Variants in MARCHF8 observed in about 807,000 individuals in gnomAD.
MARCHF8 encodes the protein membrane associated ring-CH-type finger 8, also known as E3 ubiquitin-protein ligase MARCHF8.
MARCHF8 carries 40 observed loss-of-function variants against 51.6 expected under a neutral mutation model. That is an observed-to-expected ratio of 0.77 (90% CI 0.60 to 1.01). The LOEUF (loss-of-function observed/expected upper bound fraction) is 1.01, where lower values mean the gene tolerates loss of function less well. Among genes scored for constraint, MARCHF8 ranks in the 50% least tolerant of loss-of-function variants. The probability of loss-of-function intolerance (pLI) is 0.00; values close to 1 mark genes in which losing one functional copy is unlikely to be tolerated. For synonymous variants in MARCHF8, 263 were observed against 280.3 expected, an observed-to-expected ratio of 0.94 and a Z score of 0.62; for missense variants, 685 against 708.6, an observed-to-expected ratio of 0.97 and a Z score of 0.38.
chr10:45,508,674 G>C lies in MARCHF8; in HGVS notation c.103-19257C>G, dbSNP rs149058888. 2.1e-3 allele frequency among the ~76,000 whole-genome samples: 317 copies of C among 152,092 alleles called. 1 individual carries two copies. The highest frequency in any genetic ancestry group is 7.2e-3 in the African/African-American group (299 of 41,488). On this transcript the variant is annotated intron_variant, in intron 2 of 7. Transcript: ENST00000453424. The stretch of plus-strand genomic sequence containing the variant: ...CCAGACTTACTAGATCTTTTCACTT[G>C]ATATTCTGGATACATTATTGGTACA...
At chr10:45,511,851 G>C (rs866921345) in intron 2 of MARCHF8, among the ~76,000 whole-genome samples, 1 of 151,752 alleles carries the variant, frequency 6.6e-6, no homozygotes, top group African/African-American at 2.4e-5. Context: ...AGTGAGGAGC[G>C]TCTCTGCCTG....
At chr10:45,543,861 C>T (rs1056452613) in intron 1 of MARCHF8, among the ~76,000 whole-genome samples, 4 of 132,818 alleles carry the variant, frequency 3.0e-5, no homozygotes. Context: ...TTAAGACAAA[C>T]AACATAATTT....
intron 2 of MARCHF8, among the ~76,000 whole-genome samples, chr10:45,522,912 C>A (rs890063024): frequency 6.6e-6 from 1 of 152,116 alleles, no homozygotes; most frequent in African/African-American, 2.4e-5. Flanking sequence ...ACGTGGCCCC[C>A]CAAGTGAGCT....
intron 2 of MARCHF8, among the ~76,000 whole-genome samples, chr10:45,514,991 T>C (rs927690561): frequency 5.3e-5 from 8 of 151,864 alleles, no homozygotes; most frequent in African/African-American, 1.7e-4. Flanking sequence ...CATCACAGGG[T>C]GGGGGAGGGG....
chr10:45,521,416 T>G (rs2043703867), intron 2 of MARCHF8, among the ~76,000 whole-genome samples: 1 of 152,232 alleles, frequency 6.6e-6, no homozygotes, highest in Non-Finnish European at 1.5e-5. Flanking sequence ...TAGGGGCCTT[T>G]CCTTCTTCAG....
chr10:45,528,725 C>T (rs2043831236), intron 2 of MARCHF8, among the ~76,000 whole-genome samples: 2 of 152,128 alleles, frequency 1.3e-5, no homozygotes, highest in Admixed American at 6.6e-5. Context: ...ACCAAGAAGT[C>T]AATCCCATTT....
chr10:45,466,044 G>A (rs376090698), intron 3 of MARCHF8, among the ~76,000 whole-genome samples: 5 of 152,246 alleles, frequency 3.3e-5, no homozygotes, highest in South Asian at 2.1e-4. Context: ...GACTGCATAA[G>A]CCATTGTCCT....
At chr10:45,519,588 A>C (rs2043673838) in intron 2 of MARCHF8, among the ~76,000 whole-genome samples, 1 of 152,292 alleles carries the variant, frequency 6.6e-6, no homozygotes, top group African/African-American at 2.4e-5. Context: ...CTCTACTCCA[A>C]TAAAACTATA....
chr10:45,525,677 G>T (rs971621197), intron 2 of MARCHF8, among the ~76,000 whole-genome samples: 1 of 152,168 alleles, frequency 6.6e-6, no homozygotes, highest in African/African-American at 2.4e-5. Flanking sequence ...CAGCCAGGTG[G>T]TCAAGAAAAT....
intron 2 of MARCHF8, among the ~76,000 whole-genome samples, chr10:45,523,168 G>C (rs1170778762): frequency 6.6e-6 from 1 of 152,142 alleles, no homozygotes; most frequent in Non-Finnish European, 1.5e-5. Flanking sequence ...CATATCAAAA[G>C]CCATTAACAA....
chr10:45,512,169 C>A (rs1430003682), intron 2 of MARCHF8, among the ~76,000 whole-genome samples: 1 of 151,442 alleles, frequency 6.6e-6, no homozygotes, highest in African/African-American at 2.4e-5. Flanking sequence ...TCTGCCTGGC[C>A]GCCCCATCTG....
intron 1 of MARCHF8, among the ~76,000 whole-genome samples, chr10:45,540,559 T>C (rs1304249089): frequency 6.6e-6 from 1 of 152,066 alleles, no homozygotes; most frequent in Non-Finnish European, 1.5e-5. Flanking sequence ...AAAGCCAAAA[T>C]TGACAAATGG....
Position 45,457,481 on chromosome 10 carries a change from T to C in MARCHF8, c.*758A>G, listed in dbSNP as rs3824616. ...CCTGTCTTAAAAGTCATGAGTCTGT[T>C]TTATGAACAGAAAGAATGCCACGCT... On this transcript the variant is annotated 3_prime_UTR_variant, in exon 8 of 8. Coordinates refer to ENST00000453424, the MANE Select transcript of MARCHF8 (RefSeq NM_001282866.2). 0.087 allele frequency: 13,271 copies of C among 152,526 alleles called. 746 individuals are homozygous for C. The highest frequency in any genetic ancestry group is 0.15 in the African/African-American group (6,278 of 41,498). The allele number at this position is 152,526 out of a possible 1,614,324, so 9.4% of individuals were successfully genotyped here.
intron 2 of MARCHF8, among the ~76,000 whole-genome samples, chr10:45,523,216 C>T (rs1348838056): frequency 6.6e-6 from 1 of 152,140 alleles, no homozygotes; most frequent in Non-Finnish European, 1.5e-5. Flanking sequence ...TTATTTACTG[C>T]AATCTCTGCA....
At chr10:45,465,534 C>T (rs537175382) in intron 3 of MARCHF8, among the ~76,000 whole-genome samples, 55 of 152,334 alleles carry the variant, frequency 3.6e-4, no homozygotes, top group African/African-American at 8.9e-4. Context: ...GGTCAACCAC[C>T]AGAACAGATA....
At chr10:45,588,741 G>A (rs994743356) in intron 1 of MARCHF8, among the ~76,000 whole-genome samples, 2 of 152,184 alleles carry the variant, frequency 1.3e-5, no homozygotes, top group Admixed American at 1.3e-4. Context: ...GCTCATGCCT[G>A]TAATCCCAGC....
chr10:45,531,453 T>G (rs2043884380), intron 2 of MARCHF8, among the ~76,000 whole-genome samples: 1 of 152,106 alleles, frequency 6.6e-6, no homozygotes, highest in African/African-American at 2.4e-5. Context: ...AAGAAAAGTA[T>G]TTAAAGAGAA....
intron 1 of MARCHF8, among the ~76,000 whole-genome samples, chr10:45,576,803 G>C (rs2044494671): frequency 6.7e-6 from 1 of 150,102 alleles, no homozygotes. Flanking sequence ...AGCCAGGCAT[G>C]GTGGCAAGCA....
Position 45,495,999 on chromosome 10 carries a change from A to G in MARCHF8, c.103-6582T>C, listed in dbSNP as rs912377442. On this transcript the variant is annotated intron_variant, in intron 2 of 7. Coordinates refer to ENST00000453424, the MANE Select transcript of MARCHF8 (RefSeq NM_001282866.2). ...AACAGCTGACTTATCCTCAGAAACC[A>G]GGGAGGCCAGAGACAGTGGAAGGAC... Among the ~76,000 whole-genome samples the G allele has an allele frequency of 5.3e-5, 8 of 152,166 alleles. No individual in the cohort carries two copies. In the East Asian group the frequency reaches 1.5e-3, roughly 29 times the overall value.
Sources: allele counts gnomAD v4.1 joint callset (sites outside exome capture counted in the v4.1 genomes callset), GRCh38; gene constraint gnomAD v4.1.1; transcripts MANE v1.5; gene names NCBI Gene and HGNC (gene_info 2026-07-23, HGNC 2026-07-21).